TBC1D4: variants seen among roughly 807,000 people sequenced by gnomAD.
The protein encoded by TBC1D4 is TBC1 domain family member 4.
A neutral mutation model predicts 142.5 loss-of-function variants in TBC1D4; 121 were observed. The observed-to-expected ratio is 0.85, with a 90% CI of 0.73 to 0.99. The LOEUF (loss-of-function observed/expected upper bound fraction) is 0.99. TBC1D4 is among the 50% of genes least tolerant of loss of function. The pLI is 0.00. For missense variants in TBC1D4, 1,475 were observed against 1,606.6 expected, an observed-to-expected ratio of 0.92 and a Z score of 1.40; for synonymous variants, 630 against 628.2, an observed-to-expected ratio of 1.00 and a Z score of -0.04.
At chr13:75,341,431 G>T (rs1000804580) in intron 6 of TBC1D4, 65 bp downstream of exon 6, 2 of 1,467,516 alleles carry the variant, frequency 1.4e-6, no homozygotes, top group African/African-American at 2.8e-5. Flanking sequence ...AAACAGGAAC[G>T]CATAAAAACA....
At chr13:75,304,566 A>G (rs906288899) in intron 15 of TBC1D4, among the ~76,000 whole-genome samples, 4 of 152,194 alleles carry the variant, frequency 2.6e-5, no homozygotes, top group African/African-American at 9.7e-5. Context: ...AAGAATGATA[A>G]AGTACAATGA....
chr13:75,412,711 C>T (rs1885732268), intron 1 of TBC1D4, among the ~76,000 whole-genome samples: 1 of 152,224 alleles, frequency 6.6e-6, no homozygotes, highest in African/African-American at 2.4e-5. Flanking sequence ...ATTAGGTCTT[C>T]CCAGGTTATT....
chr13:75,303,487 T>C (rs1363985615), intron 15 of TBC1D4, among the ~76,000 whole-genome samples: 3 of 152,220 alleles, frequency 2.0e-5, no homozygotes, highest in Admixed American at 6.5e-5. Context: ...ACTATGACTA[T>C]GTTTTTTATG....
intron 1 of TBC1D4, among the ~76,000 whole-genome samples, chr13:75,439,446 C>A (rs1327883938): frequency 6.6e-6 from 1 of 152,142 alleles, no homozygotes; most frequent in East Asian, 1.9e-4. Flanking sequence ...CTCGGAGATA[C>A]TGTATTAATT....
chr13:75,367,995 G>A (rs928061710), intron 1 of TBC1D4, among the ~76,000 whole-genome samples: 7 of 152,116 alleles, frequency 4.6e-5, no homozygotes, highest in African/African-American at 9.7e-5. Flanking sequence ...CACCGAGTTC[G>A]TGCTATGGTT....
chr13:75,309,112 A>C (rs1192976687), intron 14 of TBC1D4, among the ~76,000 whole-genome samples: 1 of 152,170 alleles, frequency 6.6e-6, no homozygotes, highest in Non-Finnish European at 1.5e-5. Context: ...ACTTATGTTA[A>C]ATGTTTCATT....
chr13:75,294,853 C>T lies in TBC1D4; in HGVS notation c.3316+1G>A. ...TCCATTTAATTACAGGTATCTCTTA[C>T]CAAAAACTCTGGCTACAAATCCTAA... On this transcript the variant is annotated splice_donor_variant, in intron 18 of 20. Transcript: ENST00000377636. LOFTEE classifies it high-confidence loss of function. 6.2e-7 allele frequency: 1 copy of T among 1,613,636 alleles called. No homozygotes were observed. The highest frequency in any genetic ancestry group is 8.5e-7 in the Non-Finnish European group (1 of 1,179,708).
intron 12 of TBC1D4, among the ~76,000 whole-genome samples, chr13:75,318,665 T>C (rs774275735): frequency 2.0e-5 from 3 of 152,200 alleles, no homozygotes; most frequent in Non-Finnish European, 4.4e-5. Flanking sequence ...TGTTATCCTA[T>C]GGAAAATCTT....
intron 5 of TBC1D4, among the ~76,000 whole-genome samples, chr13:75,346,460 C>T (rs1213018443): frequency 6.6e-6 from 1 of 152,168 alleles, no homozygotes; most frequent in East Asian, 1.9e-4. Flanking sequence ...ATCCATGTCC[C>T]TGCAAAGGAC....
Position 75,478,143 on chromosome 13 carries a change from A to G in TBC1D4, c.498+3127T>C, listed in dbSNP as rs918273706. 2.0e-5 allele frequency among the ~76,000 whole-genome samples: 3 copies of G among 152,166 alleles called. 1 individual carries two copies. In the South Asian group the frequency reaches 6.2e-4, roughly 32 times the overall value. On this transcript the variant is annotated intron_variant, in intron 1 of 20. Transcript: ENST00000377636. ...AGCTCTAAGGTCAAATGTAGATCCA[A>G]CTCCAATATGTGAGTAGATACTCTT... is the stretch of plus-strand genomic sequence containing the variant.
At chr13:75,323,560 T>A (rs1441162409) in intron 11 of TBC1D4, among the ~76,000 whole-genome samples, 3 of 152,104 alleles carry the variant, frequency 2.0e-5, no homozygotes, top group African/African-American at 7.2e-5. Flanking sequence ...AGAACAAGAA[T>A]AAGATTTAAC....
intron 1 of TBC1D4, among the ~76,000 whole-genome samples, chr13:75,419,286 C>T (rs943150833): frequency 2.6e-5 from 4 of 152,260 alleles, no homozygotes; most frequent in Admixed American, 6.5e-5. Context: ...GCCTCTCTAC[C>T]GTTCTGCCTC....
intron 1 of TBC1D4, among the ~76,000 whole-genome samples, chr13:75,421,080 A>T (rs867855562): frequency 2.0e-5 from 3 of 152,222 alleles, no homozygotes; most frequent in Non-Finnish European, 4.4e-5. Flanking sequence ...ACTTATCTAT[A>T]ATGAAGCACT....
At chr13:75,444,798 A>C (rs1433073367) in intron 1 of TBC1D4, among the ~76,000 whole-genome samples, 1 of 152,172 alleles carries the variant, frequency 6.6e-6, no homozygotes, top group Non-Finnish European at 1.5e-5. Context: ...GTGGTGTGTT[A>C]ATATTTTATT....
chr13:75,425,040 T>C (rs976757089), intron 1 of TBC1D4, among the ~76,000 whole-genome samples: 2 of 151,880 alleles, frequency 1.3e-5, no homozygotes, highest in Non-Finnish European at 2.9e-5. Context: ...CAAACAAAAT[T>C]ACCCGAGTGA....
intron 1 of TBC1D4, among the ~76,000 whole-genome samples, chr13:75,464,028 A>C (rs1888073695): frequency 3.3e-5 from 5 of 152,248 alleles, no homozygotes; most frequent in Admixed American, 2.6e-4. Context: ...TTTCTGTCAG[A>C]ATTCAGGTAC....
At chr13:75,316,216 T>A (rs1878305052) in intron 12 of TBC1D4, among the ~76,000 whole-genome samples, 3 of 152,144 alleles carry the variant, frequency 2.0e-5, no homozygotes, top group Admixed American at 1.3e-4. Flanking sequence ...TAAAACTGAG[T>A]TGTACCCATA....
At chr13:75,444,369 G>A (rs566407709) in intron 1 of TBC1D4, among the ~76,000 whole-genome samples, 314 of 152,108 alleles carry the variant, frequency 2.1e-3, no homozygotes, top group Middle Eastern at 6.8e-3. Flanking sequence ...TTGAGCGATC[G>A]CCCCTCTTTG....
rs1398039196 is a variant in TBC1D4, at chr13:75,285,426, T to C, written c.*1366A>G. 1 of 152,176 alleles carries C rather than the reference T, an allele frequency of 6.6e-6. No individual in the cohort carries two copies. The highest frequency in any genetic ancestry group is 2.4e-5 in the African/African-American group (1 of 41,442). 9.4% of individuals were successfully genotyped at this position (152,176 alleles called of 1,614,324 possible). A position where few individuals can be genotyped will look rare whatever the true frequency, so the allele number is the denominator to read the frequency against. Reference sequence around the variant, plus strand: ...TAAATACTTTTTGGAAAGGCAAAAATGCTGCATCAACTTTCAGAGGCACTA... The same window carrying C: ...TAAATACTTTTTGGAAAGGCAAAAACGCTGCATCAACTTTCAGAGGCACTA... On this transcript the variant is annotated 3_prime_UTR_variant, in exon 21 of 21. Coordinates refer to ENST00000377636, the MANE Select transcript of TBC1D4 (RefSeq NM_014832.5).
Sources: allele counts gnomAD v4.1 joint callset (sites outside exome capture counted in the v4.1 genomes callset), GRCh38; gene constraint gnomAD v4.1.1; transcripts MANE v1.5; gene names NCBI Gene and HGNC (gene_info 2026-07-23, HGNC 2026-07-21).